Variants in MTSS1 observed in about 807,000 individuals in gnomAD.
MTSS1 encodes the protein protein MTSS 1.
A neutral mutation model predicts 79.0 loss-of-function variants in MTSS1; 18 were observed. The observed-to-expected ratio is 0.23, with a 90% CI of 0.16 to 0.34. The LOEUF is 0.34. Among genes scored for constraint, MTSS1 ranks in the 10% least tolerant of loss-of-function variants. MTSS1 has a pLI of 1.00. For synonymous variants in MTSS1, 341 were observed against 368.6 expected (o/e 0.93, Z 0.86); for missense variants, 815 against 986.2 (o/e 0.83, Z 2.33).
intron 10 of MTSS1, among the ~76,000 whole-genome samples, chr8:124,561,272 G>T (rs1309013729): frequency 6.6e-6 from 1 of 152,142 alleles, no homozygotes; most frequent in Non-Finnish European, 1.5e-5. Flanking sequence ...ACAAAAGTTA[G>T]CTGGGAATGG....
chr8:124,718,421 A>G (rs537779706), intron 1 of MTSS1, among the ~76,000 whole-genome samples: 1 of 152,270 alleles, frequency 6.6e-6, no homozygotes, highest in East Asian at 1.9e-4. Flanking sequence ...AGGCTCAGAC[A>G]GAGGGCTTGG....
At chr8:124,700,594 A>G (rs1248852742) in intron 2 of MTSS1, among the ~76,000 whole-genome samples, 1 of 152,192 alleles carries the variant, frequency 6.6e-6, no homozygotes, top group Non-Finnish European at 1.5e-5. Context: ...CAAGGTGAGA[A>G]TGGGGAGAAG....
intron 1 of MTSS1, among the ~76,000 whole-genome samples, chr8:124,724,255 T>A (rs1432042767): frequency 2.0e-5 from 3 of 152,166 alleles, no homozygotes; most frequent in Non-Finnish European, 4.4e-5. Flanking sequence ...CAAAAAGATT[T>A]CCATGGAATT....
intron 3 of MTSS1, among the ~76,000 whole-genome samples, chr8:124,630,952 C>T (rs1815809748): frequency 6.6e-6 from 1 of 152,178 alleles, no homozygotes; most frequent in African/African-American, 2.4e-5. Flanking sequence ...TGCCACCTAC[C>T]AGCATGTTCC....
chr8:124,558,945 G>A (rs1024052363), intron 10 of MTSS1: 29 of 1,342,846 alleles, frequency 2.2e-5, no homozygotes, highest in Middle Eastern at 2.4e-4. Flanking sequence ...GGCACACACA[G>A]AGAGAAAGAG....
intron 1 of MTSS1, among the ~76,000 whole-genome samples, chr8:124,712,452 A>G (rs1251801897): frequency 3.3e-5 from 5 of 152,172 alleles, no homozygotes; most frequent in African/African-American, 1.2e-4. Flanking sequence ...TTCTTCAAGC[A>G]TGAGGCAAGA....
In MTSS1 at chr8:124,582,514, C is replaced by A. The variant is rs1563795090; in HGVS notation, c.460+2573G>T. On this transcript the variant is annotated intron_variant, in intron 6 of 13. Coordinates refer to ENST00000518547, the MANE Select transcript of MTSS1 (RefSeq NM_014751.6). The surrounding 1 kb of genome is among the most constrained non-coding windows in gnomAD (Gnocchi z 4.8). Reference sequence around the variant, plus strand: ...TCCAGAGAATTTTTAGATCAAAGATCAGAGTTTTTGAAAAAGGCATGGCAG... The same window carrying A: ...TCCAGAGAATTTTTAGATCAAAGATAAGAGTTTTTGAAAAAGGCATGGCAG... 6.6e-6 allele frequency among the ~76,000 whole-genome samples: 1 copy of A among 151,722 alleles called. No homozygotes were observed. Among genetic ancestry groups the A allele is most frequent in the African/African-American group, 2.4e-5 (1 of 41,288 alleles).
At chr8:124,726,824 C>T (rs1188698082) in intron 1 of MTSS1, among the ~76,000 whole-genome samples, 1 of 152,224 alleles carries the variant, frequency 6.6e-6, no homozygotes, top group African/African-American at 2.4e-5. Context: ...ACCACCTCCC[C>T]GGATCTGGAT....
At chr8:124,574,687 G>T (rs1828626235) in intron 6 of MTSS1, among the ~76,000 whole-genome samples, 1 of 152,196 alleles carries the variant, frequency 6.6e-6, no homozygotes, top group Non-Finnish European at 1.5e-5. Context: ...CAAGCCAGTG[G>T]CTGTTCTCTG....
At chr8:124,672,839 A>T (rs1326880923) in intron 3 of MTSS1, among the ~76,000 whole-genome samples, 2 of 151,864 alleles carry the variant, frequency 1.3e-5, no homozygotes, top group Non-Finnish European at 2.9e-5. Flanking sequence ...ACACACACAC[A>T]TGCATGCACA....
chr8:124,607,868 T>C (rs1031221373), intron 3 of MTSS1, among the ~76,000 whole-genome samples: 3 of 151,312 alleles, frequency 2.0e-5, no homozygotes, highest in African/African-American at 7.4e-5. Context: ...TATATATCTC[T>C]ACAGAAAAGG....
Position 124,553,335 on chromosome 8 carries a change from T to TC in MTSS1, c.1924dup (p.Glu642GlyfsTer5). The TC allele has an allele frequency of 6.2e-7, 1 of 1,613,320 alleles. No homozygotes were observed. Among genetic ancestry groups the TC allele is most frequent in the Non-Finnish European group, 8.5e-7 (1 of 1,179,512 alleles). ...CACAGATGGCGACTCAGGGCTGTGC[T>TC]CCCCCCGCTCTTCTGGCCCATCTGG... On this transcript the variant is annotated frameshift_variant, in exon 14 of 14. Coordinates refer to ENST00000518547, the MANE Select transcript of MTSS1 (RefSeq NM_014751.6). LOFTEE classifies it high-confidence loss of function. The surrounding 1 kb of genome is among the most constrained non-coding windows in gnomAD (Gnocchi z 6.0).
intron 3 of MTSS1, among the ~76,000 whole-genome samples, chr8:124,692,204 AT>A (rs1302066130): frequency 6.6e-6 from 1 of 151,584 alleles, no homozygotes; most frequent in African/African-American, 2.4e-5. Flanking sequence ...ATTTTTTTGT[AT>A]TTTTAGTAGA....
chr8:124,675,330 T>C (rs1039242110), intron 3 of MTSS1, among the ~76,000 whole-genome samples: 3 of 152,232 alleles, frequency 2.0e-5, no homozygotes, highest in Non-Finnish European at 2.9e-5. Flanking sequence ...GCAAGTTCCA[T>C]TGCCCTTGAG....
chr8:124,718,925 G>A (rs1832516339), intron 1 of MTSS1, among the ~76,000 whole-genome samples: 2 of 152,212 alleles, frequency 1.3e-5, no homozygotes, highest in African/African-American at 4.8e-5. Context: ...CTCTTAATTA[G>A]AGGGAGACCC....
chr8:124,588,407 C>G (rs547815789), intron 5 of MTSS1, among the ~76,000 whole-genome samples: 1 of 152,228 alleles, frequency 6.6e-6, no homozygotes, highest in Admixed American at 6.5e-5. Context: ...ATGACCTGAA[C>G]AGGGGATGAG....
chr8:124,579,551 T>C (rs1829640313), intron 6 of MTSS1: 1 of 152,236 alleles, frequency 6.6e-6, no homozygotes, highest in South Asian at 2.1e-4. Context: ...AGCAAAACAG[T>C]GACTGTGTCT....
intron 3 of MTSS1, among the ~76,000 whole-genome samples, chr8:124,672,712 A>C (rs914570562): frequency 6.6e-6 from 1 of 152,048 alleles, no homozygotes; most frequent in Non-Finnish European, 1.5e-5. Flanking sequence ...TGGGAAGCTG[A>C]GGTGGGAGGA....
At chr8:124,606,715 C>T (rs1009467705) in intron 3 of MTSS1, among the ~76,000 whole-genome samples, 8 of 152,040 alleles carry the variant, frequency 5.3e-5, no homozygotes, top group Non-Finnish European at 1.0e-4. Flanking sequence ...CCCCGAACAT[C>T]TGTTTTATCA....
Sources: gnomAD v4.1 joint callset for allele counts (sites outside exome capture counted in the v4.1 genomes callset) on GRCh38, gnomAD v4.1.1 for gene constraint, Gnocchi (gnomAD v3.1) non-coding constraint, MANE v1.5 for transcripts, NCBI Gene and HGNC (gene_info 2026-07-23, HGNC 2026-07-21) for gene names.